Variants in PPP1R2 observed in about 807,000 individuals in gnomAD.
The protein encoded by PPP1R2 is protein phosphatase 1 regulatory inhibitor subunit 2, also known as protein phosphatase inhibitor 2.
In PPP1R2, 16 loss-of-function variants were observed where a neutral mutation model predicts 29.9. The ratio of observed to expected loss-of-function variants is 0.53; its 90% CI spans 0.36 to 0.81. PPP1R2 has a LOEUF of 0.81. Among genes scored for constraint, PPP1R2 ranks in the 30% least tolerant of loss-of-function variants. PPP1R2 has a pLI of 0.00. For synonymous variants in PPP1R2, 76 were observed against 91.5 expected (o/e 0.83, Z 0.96); for missense variants, 197 against 252.7 (o/e 0.78, Z 1.49).
chr3:195,534,645 G>A (rs1450562922), intron 1 of PPP1R2, among the ~76,000 whole-genome samples: 3 of 152,070 alleles, frequency 2.0e-5, no homozygotes, highest in South Asian at 2.1e-4. Flanking sequence ...TCCTGGTTCC[G>A]TCCATGTTCT....
intron 4 of PPP1R2, chr3:195,523,281 T>C (rs1257732566): frequency 1.0e-5 from 2 of 200,854 alleles, no homozygotes; most frequent in Non-Finnish European, 2.1e-5. Context: ...CTGATCATCT[T>C]GGTTCATTTG....
At chr3:195,532,332 T>A (rs1286957795) in intron 1 of PPP1R2, among the ~76,000 whole-genome samples, 1 of 151,164 alleles carries the variant, frequency 6.6e-6, no homozygotes. Context: ...ATTACAGGTA[T>A]GAGCCACCAC....
At chr3:195,536,290 C>CT (rs1275030159) in intron 1 of PPP1R2, among the ~76,000 whole-genome samples, 2 of 66,532 alleles carry the variant, frequency 3.0e-5, no homozygotes, top group African/African-American at 1.2e-4. Flanking sequence ...GAGACCCTGT[C>CT]TTTAAAAAAA....
chr3:195,517,753 A>G (rs1445775841), intron 5 of PPP1R2, among the ~76,000 whole-genome samples: 2 of 152,202 alleles, frequency 1.3e-5, no homozygotes, highest in Admixed American at 6.5e-5. Context: ...AATGGATAAT[A>G]AAAACATGCC....
intron 5 of PPP1R2, among the ~76,000 whole-genome samples, chr3:195,518,505 G>A (rs1011865276): frequency 6.6e-6 from 1 of 151,944 alleles, no homozygotes; most frequent in African/African-American, 2.4e-5. Context: ...CAAAAAATCA[G>A]CCAGGCGTGG....
At chr3:195,527,945 C>A in intron 2 of PPP1R2, 2 of 321,506 alleles carry the variant, frequency 6.2e-6, no homozygotes, top group Admixed American at 4.5e-5. Context: ...CTCTTTTTAG[C>A]ATGCGTATTT....
chr3:195,531,571 T>C (rs985179337), intron 1 of PPP1R2, among the ~76,000 whole-genome samples: 1 of 152,226 alleles, frequency 6.6e-6, no homozygotes, highest in Non-Finnish European at 1.5e-5. Context: ...TACCCTAATA[T>C]ACCCACAGTG....
At position 195,519,065 on chromosome 3, in the gene PPP1R2, A is replaced by G. The variant is rs201930691; in HGVS notation, c.524T>C (p.Leu175Ser). The G allele has an allele frequency of 3.7e-6, 6 of 1,606,726 alleles. No individual in the cohort carries two copies. In the South Asian group the frequency reaches 5.5e-5, roughly 15 times the overall value. ...LHDDDEDEEM[L>S]ETADGESMNT... ...CATGCTTTCTCCATCTGCAGTCTCTAACATTTCTTCATCTTCATCATCATC... is the reference window on the plus strand; with the variant it reads ...CATGCTTTCTCCATCTGCAGTCTCTGACATTTCTTCATCTTCATCATCATC... Residue 175 changes from leucine to serine, a missense_variant, in exon 5 of 6, where the codon TTA becomes TCA. Leu to Ser is a moderately radical substitution (Grantham distance 145). Transcript: ENST00000618156.
chr3:195,528,700 C>CTT lies in PPP1R2; in HGVS notation c.230+1093_230+1094insAA, dbSNP rs767313014. 2.6e-4 allele frequency: 20 copies of CTT among 76,628 alleles called. 1 individual carries two copies. Among genetic ancestry groups the CTT allele is most frequent in the East Asian group, 1.3e-3 (2 of 1,564 alleles). The allele number at this position is 76,628 out of a possible 1,614,324, so 4.7% of individuals were successfully genotyped here. Reference sequence around the variant, plus strand: ...TCAATACAAGGTAGGTAGGGCATAACTATTTTTTTTTTTTTTTTTTTTTTT... The same window carrying CTT: ...TCAATACAAGGTAGGTAGGGCATAACTTTATTTTTTTTTTTTTTTTTTTTTTT... On this transcript the variant is annotated intron_variant, in intron 2 of 5. Transcript: ENST00000618156.
rs1355946008 is a variant in PPP1R2 at position 195,515,587 on chromosome 3, A to G, written c.*1309T>C. ...TTGGTTGAAGGAAAAAATTCCACCT[A>G]ATTCTTACTGCGTTAGAAGAATAAA... is the stretch of plus-strand genomic sequence containing the variant. On this transcript the variant is annotated 3_prime_UTR_variant, in exon 6 of 6. Coordinates refer to ENST00000618156, the MANE Select transcript of PPP1R2 (RefSeq NM_006241.8). 1 of 152,442 alleles carries G rather than the reference A, an allele frequency of 6.6e-6. No homozygotes were observed. Among genetic ancestry groups the G allele is most frequent in the African/African-American group, 2.4e-5 (1 of 41,446 alleles). 9.4% of individuals were successfully genotyped at this position (152,442 alleles called of 1,614,324 possible).
At chr3:195,535,062 T>A (rs771152328) in intron 1 of PPP1R2, among the ~76,000 whole-genome samples, 4 of 152,184 alleles carry the variant, frequency 2.6e-5, no homozygotes, top group Non-Finnish European at 5.9e-5. Flanking sequence ...GTCCCCAACC[T>A]TTTTAGCACC....
chr3:195,522,445 C>T (rs1441945767), intron 4 of PPP1R2, among the ~76,000 whole-genome samples: 1 of 152,194 alleles, frequency 6.6e-6, no homozygotes, highest in African/African-American at 2.4e-5. Context: ...GCTCCCCCTG[C>T]TGGTTGACTC....
chr3:195,542,899 C>G lies in PPP1R2; in HGVS notation c.122+5G>C. ...GGCTCCCAGGCCGTCCCTCCCAGCG[C>G]TCACCTCAGCTCCTCGTCGACATTC... On this transcript the variant is annotated splice_donor_5th_base_variant and intron_variant, in intron 1 of 5. Coordinates refer to ENST00000618156, the MANE Select transcript of PPP1R2 (RefSeq NM_006241.8). 1 of 1,598,452 alleles carries G rather than the reference C, an allele frequency of 6.3e-7. No individual in the cohort carries two copies. The highest frequency in any genetic ancestry group is 1.1e-5 in the South Asian group (1 of 88,396).
At chr3:195,523,523 A>G (rs1322821366) in intron 4 of PPP1R2, among the ~76,000 whole-genome samples, 169 bp downstream of exon 4, 1 of 152,244 alleles carries the variant, frequency 6.6e-6, no homozygotes, top group African/African-American at 2.4e-5. Context: ...GTAAAAAACT[A>G]TTACACAACA....
chr3:195,522,933 C>T (rs745533825), intron 4 of PPP1R2, among the ~76,000 whole-genome samples: 10 of 152,166 alleles, frequency 6.6e-5, no homozygotes, highest in Non-Finnish European at 1.5e-4. Flanking sequence ...TATCTTTCCC[C>T]TCTACCCACA....
Position 195,516,733 on chromosome 3 carries a change from T to G in PPP1R2, c.*163A>C, listed in dbSNP as rs541460502. On this transcript the variant is annotated 3_prime_UTR_variant, in exon 6 of 6. Transcript: ENST00000618156. Reference sequence around the variant, plus strand: ...GAATATATATATCGATTAGGCATTTTCAGTCTAATCAGTCTCTAAGTTTAT... The same window carrying G: ...GAATATATATATCGATTAGGCATTTGCAGTCTAATCAGTCTCTAAGTTTAT... 2.9e-5 allele frequency: 18 copies of G among 611,962 alleles called. No individual in the cohort carries two copies. The East Asian group carries it at 3.0e-4, about 10-fold the overall frequency. The allele number at this position is 611,962 out of a possible 1,614,324, so 37.9% of individuals were successfully genotyped here.
chr3:195,529,627 A>T (rs1719107149), intron 2 of PPP1R2, 167 bp downstream of exon 2: 1 of 489,304 alleles, frequency 2.0e-6, no homozygotes, highest in African/African-American at 2.0e-5. Context: ...AAACTTACAC[A>T]TCACTTAAAC....
chr3:195,523,767 A>T lies in PPP1R2; in HGVS notation c.328T>A (p.Leu110Met). Residue 110 changes from leucine to methionine, a missense_variant, in exon 4 of 6, where the codon TTG becomes ATG. Coordinates refer to ENST00000618156, the MANE Select transcript of PPP1R2 (RefSeq NM_006241.8). ...LARKLAAAEG[L>M]EPKYRIQEQE... ...TCCTGAATCCGATACTTTGGCTCCA[A>T]GCCTTCAGCTGCAGCTAATCTATGC... 2 of 1,614,114 alleles carry T rather than the reference A, an allele frequency of 1.2e-6. No homozygotes were observed. The highest frequency in any genetic ancestry group is 1.7e-6 in the Non-Finnish European group (2 of 1,179,998).
intron 2 of PPP1R2, 65 bp downstream of exon 2, chr3:195,529,729 A>G (rs1719110427): frequency 8.5e-7 from 1 of 1,171,094 alleles, no homozygotes; most frequent in Non-Finnish European, 1.2e-6. Flanking sequence ...GCTGTTATCC[A>G]GACGTTCATA....
Sources: gnomAD v4.1 joint callset for allele counts (sites outside exome capture counted in the v4.1 genomes callset) on GRCh38, gnomAD v4.1.1 for gene constraint, MANE v1.5 for transcripts, NCBI Gene and HGNC (gene_info 2026-07-23, HGNC 2026-07-21) for gene names.